Variants in SEMA6D observed in about 807,000 individuals in gnomAD.
SEMA6D encodes the protein semaphorin-6D.
In SEMA6D, 35 loss-of-function variants were observed where a neutral mutation model predicts 106.6. That is an observed-to-expected ratio of 0.33 (90% CI 0.25 to 0.44). The LOEUF (loss-of-function observed/expected upper bound fraction) is 0.44, where lower values mean the gene tolerates loss of function less well. Among genes scored for constraint, SEMA6D ranks in the 20% least tolerant of loss-of-function variants. The pLI, the probability that SEMA6D is intolerant of heterozygous loss-of-function variation, is 1.00. For missense variants in SEMA6D, 1,185 were observed against 1,345.9 expected (o/e 0.88, Z 1.87); for synonymous variants, 499 against 487.7 (o/e 1.02, Z -0.31).
chr15:47,762,363 TGGC>T (rs1455340022), intron 8 of SEMA6D, 44 bp downstream of exon 8: 2 of 1,603,466 alleles, frequency 1.2e-6, no homozygotes, highest in African/African-American at 2.7e-5. Flanking sequence ...GGATAGTGGA[TGGC>T]CCAAGTGGGG....
At chr15:47,754,205 G>A (rs563164847) in intron 1 of SEMA6D, among the ~76,000 whole-genome samples, 13 of 152,186 alleles carry the variant, frequency 8.5e-5, no homozygotes, top group Admixed American at 3.3e-4. Flanking sequence ...CAGCCTAGGC[G>A]ACATAGTGAG....
chr15:47,494,741 G>GAGATAT (rs1555448706), intron 3 of SEMA6D, among the ~76,000 whole-genome samples: 7 of 32,974 alleles, frequency 2.1e-4, no homozygotes, highest in Non-Finnish European at 8.4e-5. Context: ...GTGGGATGGA[G>GAGATAT]ATATATATAT....
At position 47,425,925 on chromosome 15, in the gene SEMA6D, A is replaced by G. The variant is rs569354264; in HGVS notation, c.-159+13453A>G. ...TCCAGCCTAATAAACACCTGTTCTA[A>G]TTACTTTTAATCATTTTCTGCTGGA... is the stretch of plus-strand genomic sequence containing the variant. On this transcript the variant is annotated intron_variant, in intron 2 of 19. Coordinates refer to the SEMA6D transcript ENST00000558014. 3.9e-5 allele frequency among the ~76,000 whole-genome samples: 6 copies of G among 152,186 alleles called. No homozygotes were observed. The South Asian group carries it at 1.0e-3, about 26-fold the overall frequency.
intron 1 of SEMA6D, among the ~76,000 whole-genome samples, chr15:47,283,484 C>G (rs1158461612): frequency 6.6e-6 from 1 of 152,100 alleles, no homozygotes; most frequent in Non-Finnish European, 1.5e-5. Flanking sequence ...TCACTCAATT[C>G]CTGCCACTTT....
chr15:47,658,996 T>C (rs1419561175), intron 4 of SEMA6D, among the ~76,000 whole-genome samples: 1 of 152,110 alleles, frequency 6.6e-6, no homozygotes, highest in East Asian at 1.9e-4. Flanking sequence ...TAATATTCTA[T>C]TGAGGACTAA....
chr15:47,199,904 C>G (rs1431304580), intron 1 of SEMA6D, among the ~76,000 whole-genome samples: 1 of 152,032 alleles, frequency 6.6e-6, no homozygotes, highest in Non-Finnish European at 1.5e-5. Context: ...TACGTTATTT[C>G]ATTTAGTTCT....
At chr15:47,764,439 C>T (rs931601520) in intron 11 of SEMA6D, 134 bp downstream of exon 11, 1 of 1,283,068 alleles carries the variant, frequency 7.8e-7, no homozygotes, top group Admixed American at 2.6e-5. Flanking sequence ...AGCCAGCAGA[C>T]ATAGCCTTGT....
At chr15:47,621,001 T>C (rs1226968946) in intron 4 of SEMA6D, among the ~76,000 whole-genome samples, 1 of 151,748 alleles carries the variant, frequency 6.6e-6, no homozygotes, top group African/African-American at 2.4e-5. Flanking sequence ...CAGGGTGATA[T>C]GAAAAAAAAA....
chr15:47,709,919 TC>T (rs1196193174), intron 4 of SEMA6D, among the ~76,000 whole-genome samples: 2 of 151,242 alleles, frequency 1.3e-5, no homozygotes, highest in Non-Finnish European at 2.9e-5. Context: ...AATTGATTGT[TC>T]CTTTATTACA....
At chr15:47,735,183 TCTGGCATGGGCA>T (rs2080372143) in intron 1 of SEMA6D, among the ~76,000 whole-genome samples, 1 of 152,218 alleles carries the variant, frequency 6.6e-6, no homozygotes, top group Non-Finnish European at 1.5e-5. Context: ...TTGCCAGCCC[TCTGGCATGGGCA>T]CTAACCAATC....
intron 1 of SEMA6D, among the ~76,000 whole-genome samples, chr15:47,322,173 A>C (rs1282712617): frequency 6.6e-6 from 1 of 152,144 alleles, no homozygotes; most frequent in Non-Finnish European, 1.5e-5. Context: ...AATAGTACAG[A>C]GATTTCACTA....
At chr15:47,736,856 T>C (rs2080473331) in intron 1 of SEMA6D, among the ~76,000 whole-genome samples, 1 of 152,134 alleles carries the variant, frequency 6.6e-6, no homozygotes, top group African/African-American at 2.4e-5. Context: ...ACTGAGAAGT[T>C]TAAGCCAGGT....
chr15:47,768,541 G>T, intron 17 of SEMA6D, 40 bp from the exon 18 acceptor site: 1 of 1,450,976 alleles, frequency 6.9e-7, no homozygotes, highest in South Asian at 1.6e-5. Context: ...AAAAAATCTT[G>T]ACACTATCCA....
intron 4 of SEMA6D, among the ~76,000 whole-genome samples, chr15:47,607,611 A>G (rs1327601325): frequency 6.6e-6 from 1 of 152,260 alleles, no homozygotes; most frequent in Non-Finnish European, 1.5e-5. Flanking sequence ...CAATGTGTCT[A>G]AGAAAATATT....
chr15:47,361,420 A>G (rs978964477), intron 1 of SEMA6D, among the ~76,000 whole-genome samples: 12 of 152,186 alleles, frequency 7.9e-5, no homozygotes, highest in Admixed American at 7.9e-4. Context: ...GGAGTTCTGG[A>G]TATGTTTCAG....
intron 3 of SEMA6D, among the ~76,000 whole-genome samples, chr15:47,472,374 C>T (rs60023862): frequency 0.039 from 5,879 of 152,228 alleles, 380 homozygotes; most frequent in African/African-American, 0.14. Context: ...GAACCAAGTC[C>T]ACATGCCCTA....
intron 2 of SEMA6D, among the ~76,000 whole-genome samples, chr15:47,451,895 G>T (rs1002273938): frequency 6.6e-6 from 1 of 151,952 alleles, no homozygotes; most frequent in Admixed American, 6.6e-5. Context: ...CATTAAAAAT[G>T]GATACATTCT....
chr15:47,386,676 G>A (rs118004210), intron 1 of SEMA6D, among the ~76,000 whole-genome samples: 3,145 of 152,280 alleles, frequency 0.021, 69 homozygotes, highest in South Asian at 0.091. Context: ...TTACCTATGG[G>A]AAGTGTGACC....
intron 3 of SEMA6D, among the ~76,000 whole-genome samples, chr15:47,504,263 C>T (rs1005673043): frequency 7.9e-5 from 12 of 152,166 alleles, no homozygotes; most frequent in Admixed American, 5.9e-4. Flanking sequence ...CTTCTCTGGG[C>T]AGACCAGCCA....
Sources: allele counts gnomAD v4.1 joint callset (sites outside exome capture counted in the v4.1 genomes callset), GRCh38; gene constraint gnomAD v4.1.1; transcripts MANE v1.5; gene names NCBI Gene and HGNC (gene_info 2026-07-23, HGNC 2026-07-21).